The following LRRC28 variants were observed in gnomAD, a reference collection of about 807,000 sequenced individuals.
LRRC28 encodes the protein leucine-rich repeat-containing protein 28.
In LRRC28, 39 loss-of-function variants were observed where a neutral mutation model predicts 45.7. That is an observed-to-expected ratio of 0.85 (90% CI 0.66 to 1.12). The LOEUF is 1.12. Among genes scored for constraint, LRRC28 ranks in the 50% most tolerant of loss-of-function variants. LRRC28 has a pLI of 0.00. For missense variants in LRRC28, 435 were observed against 438.5 expected (o/e 0.99, Z 0.07); for synonymous variants, 206 against 178.8 (o/e 1.15, Z -1.22).
At chr15:99,353,335 T>G (rs1956945803) in intron 7 of LRRC28, among the ~76,000 whole-genome samples, 1 of 152,166 alleles carries the variant, frequency 6.6e-6, no homozygotes, top group Admixed American at 6.5e-5. Flanking sequence ...AGAAAAGGGA[T>G]GACAATAAGT....
At chr15:99,380,938 G>A (rs558363382) in intron 9 of LRRC28, among the ~76,000 whole-genome samples, 8 of 152,298 alleles carry the variant, frequency 5.3e-5, no homozygotes, top group African/African-American at 1.4e-4. Flanking sequence ...TGGGTAACCC[G>A]ACCTTTCTAT....
chr15:99,265,523 G>C (rs1055319337), intron 2 of LRRC28, among the ~76,000 whole-genome samples: 2 of 152,174 alleles, frequency 1.3e-5, no homozygotes, highest in African/African-American at 4.8e-5. Context: ...TAGTGTGCAG[G>C]GTGGAGGGGG....
chr15:99,273,317 A>AGCTCTGCCTCCC (rs11272751), intron 2 of LRRC28, among the ~76,000 whole-genome samples: 2,455 of 152,110 alleles, frequency 0.016, 71 homozygotes, highest in African/African-American at 0.056. Context: ...GCTCACTGCA[A>AGCTCTGCCTCCC]GCTCTGCCTC....
At chr15:99,383,292 G>A (rs1957884663) in intron 9 of LRRC28, among the ~76,000 whole-genome samples, 1 of 152,192 alleles carries the variant, frequency 6.6e-6, no homozygotes, top group African/African-American at 2.4e-5. Flanking sequence ...AAGATATAGA[G>A]GGCAATAAGG....
chr15:99,329,812 G>T (rs1956101939), intron 5 of LRRC28, among the ~76,000 whole-genome samples: 1 of 152,188 alleles, frequency 6.6e-6, no homozygotes, highest in Non-Finnish European at 1.5e-5. Context: ...GCTGACTGCA[G>T]TTATAAAGCT....
chr15:99,285,494 T>C, intron 3 of LRRC28: 1 of 1,048,640 alleles, frequency 9.5e-7, no homozygotes, highest in South Asian at 1.4e-5. Flanking sequence ...CTCCTCAGGC[T>C]CTCATCGGTT....
intron 6 of LRRC28, among the ~76,000 whole-genome samples, chr15:99,350,669 C>G (rs979252282): frequency 6.6e-6 from 1 of 152,240 alleles, no homozygotes; most frequent in African/African-American, 2.4e-5. Flanking sequence ...CCTGATTCAG[C>G]TGTCTGGGCC....
chr15:99,263,318 CAAAAAAAA>C (rs34133374), intron 2 of LRRC28, among the ~76,000 whole-genome samples: 1 of 70,524 alleles, frequency 1.4e-5, no homozygotes, highest in African/African-American at 4.9e-5. Context: ...GACCCTGTCT[CAAAAAAAA>C]AAAAAAAAAA....
intron 9 of LRRC28, among the ~76,000 whole-genome samples, chr15:99,375,262 T>TA (rs1242571093): frequency 6.6e-6 from 1 of 152,204 alleles, no homozygotes; most frequent in African/African-American, 2.4e-5. Context: ...TGCCTGTTGA[T>TA]ATGGTGGGTG....
rs180927587 is a variant in LRRC28, at chr15:99,260,034, C to T, written c.168+3909C>T. 1,275 of 568,366 alleles carry T rather than the reference C, an allele frequency of 2.2e-3. 12 individuals are homozygous for T. Among genetic ancestry groups the T allele is most frequent in the East Asian group, 5.4e-4 (15 of 27,782 alleles). The allele number at this position is 568,366 out of a possible 1,614,324, so 35.2% of individuals were successfully genotyped here. On this transcript the variant is annotated intron_variant, in intron 2 of 9. Transcript: ENST00000301981. ...GATGAATTGTAAATTATACTCTCAT[C>T]GTTTGGATCCTGTGTGGAGAGGGAA...
rs750930424 is a variant in LRRC28, at chr15:99,256,097, A to G, written c.140A>G (p.Tyr47Cys). Residue 47 changes from tyrosine (Y) to cysteine (C), a missense_variant, in exon 2 of 10, where the codon TAT becomes TGT. Physicochemically the swap from Tyr to Cys is radical, Grantham distance 194. Transcript: ENST00000301981. ...DEGLQYLERLYMKRNSLTSLP... is the reference protein window; with the variant it reads ...DEGLQYLERLCMKRNSLTSLP... ...GGACTGCAGTACTTGGAGAGACTCT[A>G]TATGAAAAGGAACTCCCTGACATCC... The G allele has an allele frequency of 6.8e-6, 11 of 1,611,422 alleles. No individual in the cohort carries two copies. Among genetic ancestry groups the G allele is most frequent in the East Asian group, 2.2e-5 (1 of 44,858 alleles).
intron 5 of LRRC28, among the ~76,000 whole-genome samples, chr15:99,304,930 A>G (rs574650464): frequency 1.3e-5 from 2 of 152,096 alleles, no homozygotes; most frequent in South Asian, 2.1e-4. Flanking sequence ...TGCTTCTCTC[A>G]TTTTGTTGGG....
At chr15:99,252,319 T>C (rs1017830882) in intron 1 of LRRC28, among the ~76,000 whole-genome samples, 2 of 152,268 alleles carry the variant, frequency 1.3e-5, no homozygotes, top group African/African-American at 4.8e-5. Flanking sequence ...GATGCTTTAT[T>C]GCTATTATTG....
chr15:99,289,905 AGTCCG>A (rs2082067608), intron 5 of LRRC28, among the ~76,000 whole-genome samples: 3 of 121,074 alleles, frequency 2.5e-5, no homozygotes, highest in African/African-American at 9.5e-5. Context: ...TGCAGTCCGC[AGTCCG>A]GCCTGGGCGA....
chr15:99,385,739 G>T (rs1219215029), intron 9 of LRRC28, among the ~76,000 whole-genome samples: 1 of 149,802 alleles, frequency 6.7e-6, no homozygotes, highest in African/African-American at 2.5e-5. Flanking sequence ...ATGTGGAAAA[G>T]GCATTTGTTT....
At chr15:99,380,071 A>T (rs908183727) in intron 9 of LRRC28, among the ~76,000 whole-genome samples, 11 of 152,200 alleles carry the variant, frequency 7.2e-5, no homozygotes, top group Non-Finnish European at 1.3e-4. Flanking sequence ...TGCAGAGCTG[A>T]GTTCAATTCC....
At chr15:99,348,836 C>T (rs1269298248) in intron 6 of LRRC28, among the ~76,000 whole-genome samples, 3 of 150,476 alleles carry the variant, frequency 2.0e-5, no homozygotes, top group African/African-American at 7.3e-5. Flanking sequence ...TTTTGATAGA[C>T]CTTATATTAA....
chr15:99,324,021 A>G (rs1955887281), intron 5 of LRRC28, among the ~76,000 whole-genome samples: 1 of 152,180 alleles, frequency 6.6e-6, no homozygotes, highest in Non-Finnish European at 1.5e-5. Flanking sequence ...GGAATTTGGC[A>G]TTGAAATGTT....
At chr15:99,369,892 A>G (rs1204740181) in intron 9 of LRRC28, among the ~76,000 whole-genome samples, 1 of 152,208 alleles carries the variant, frequency 6.6e-6, no homozygotes, top group Non-Finnish European at 1.5e-5. Flanking sequence ...TACAGAGTGC[A>G]TTCAGGCTTT....
Sources: gnomAD v4.1 joint callset for allele counts (sites outside exome capture counted in the v4.1 genomes callset) on GRCh38, gnomAD v4.1.1 for gene constraint, MANE v1.5 for transcripts, NCBI Gene and HGNC (gene_info 2026-07-23, HGNC 2026-07-21) for gene names.